Variants in MPP7 observed in about 807,000 individuals in gnomAD.
The protein encoded by MPP7 is MAGUK p55 subfamily member 7.
Under a neutral mutation model 76.5 loss-of-function variants are expected in MPP7, and 60 were observed. The ratio of observed to expected loss-of-function variants is 0.78; its 90% CI spans 0.64 to 0.97. The LOEUF (loss-of-function observed/expected upper bound fraction) is 0.97, where lower values mean the gene tolerates loss of function less well. Among genes scored for constraint, MPP7 ranks in the 50% least tolerant of loss-of-function variants. The pLI, the probability that MPP7 is intolerant of heterozygous loss-of-function variation, is 0.00. For synonymous variants in MPP7, 237 were observed against 244.5 expected, an observed-to-expected ratio of 0.97 and a Z score of 0.29; for missense variants, 641 against 694.0, an observed-to-expected ratio of 0.92 and a Z score of 0.86.
intron 3 of MPP7, among the ~76,000 whole-genome samples, chr10:28,190,827 A>C (rs1418670274): frequency 6.6e-6 from 1 of 152,066 alleles, no homozygotes; most frequent in South Asian, 2.1e-4. Context: ...ACAAAAAAAA[A>C]CAGAGAAAAA....
At chr10:28,284,326 C>T (rs1326750682) in intron 1 of MPP7, among the ~76,000 whole-genome samples, 1 of 152,134 alleles carries the variant, frequency 6.6e-6, no homozygotes, top group Non-Finnish European at 1.5e-5. Context: ...GTCTAGGCAC[C>T]AAGTCTTGTG....
At chr10:28,308,042 TC>T (rs1388204891), upstream of MPP7, among the ~76,000 whole-genome samples, 1 of 152,138 alleles carries the variant, frequency 6.6e-6, no homozygotes, top group Admixed American at 6.5e-5. Flanking sequence ...CTCTAACACT[TC>T]CCCTCGCTTT....
chr10:28,118,383 A>T, intron 11 of MPP7: 1 of 980,818 alleles, frequency 1.0e-6, no homozygotes, highest in Non-Finnish European at 1.2e-6. Flanking sequence ...ACTGAAAAAG[A>T]GTTGAGTATG....
intron 2 of MPP7, among the ~76,000 whole-genome samples, chr10:28,213,288 G>T (rs935812878): frequency 5.3e-5 from 8 of 152,046 alleles, no homozygotes; most frequent in African/African-American, 1.9e-4. Flanking sequence ...AGTTGTGAAG[G>T]AACAGGGTCA....
At chr10:28,209,517 A>G (rs1430156265) in intron 2 of MPP7, among the ~76,000 whole-genome samples, 1 of 151,914 alleles carries the variant, frequency 6.6e-6, no homozygotes, top group African/African-American at 2.4e-5. Flanking sequence ...GGGGAGAGGA[A>G]TATTGTCTTT....
chr10:28,110,799 C>T (rs551700572), intron 11 of MPP7, among the ~76,000 whole-genome samples: 43 of 152,234 alleles, frequency 2.8e-4, no homozygotes, highest in African/African-American at 1.0e-3. Flanking sequence ...GATCCTACAT[C>T]AAAATACGTC....
intron 16 of MPP7, 138 bp from the exon 17 acceptor site, chr10:28,054,382 T>C (rs1462708781): frequency 1.7e-6 from 1 of 581,660 alleles, no homozygotes; most frequent in East Asian, 2.9e-5. Context: ...ATAAAAGTCA[T>C]CCTCTTTAAC....
intron 13 of MPP7, among the ~76,000 whole-genome samples, chr10:28,065,160 A>G (rs1851941215): frequency 6.6e-6 from 1 of 152,178 alleles, no homozygotes; most frequent in Admixed American, 6.5e-5. Context: ...ACGGACAGAG[A>G]AAAGATTGTT....
At chr10:28,140,972 G>A (rs554102829) in intron 5 of MPP7, among the ~76,000 whole-genome samples, 11 of 152,080 alleles carry the variant, frequency 7.2e-5, no homozygotes, top group Non-Finnish European at 1.3e-4. Context: ...ATAAAAAGAT[G>A]ACAGCACAAC....
At chr10:28,188,063 T>C (rs1837293505) in intron 3 of MPP7, among the ~76,000 whole-genome samples, 1 of 152,180 alleles carries the variant, frequency 6.6e-6, no homozygotes, top group Non-Finnish European at 1.5e-5. Flanking sequence ...CTGTTCAGGA[T>C]TTATTTAGAC....
At chr10:28,093,003 C>T (rs1038721956) in intron 11 of MPP7, among the ~76,000 whole-genome samples, 5 of 152,028 alleles carry the variant, frequency 3.3e-5, no homozygotes, top group Admixed American at 6.6e-5. Context: ...ATTTAGTTAT[C>T]CCAAACCAAC....
Position 28,275,410 on chromosome 10 carries a change from C to CTTTTT in MPP7, c.-132+27446_-132+27450dup, listed in dbSNP as rs111692769. ...GTGTCCTGTCACCTTCCTAATATTT[C>CTTTTT]TTTTTTTTTTTTTTCATACAGAGTC... On this transcript the variant is annotated intron_variant, in intron 1 of 16. Coordinates refer to ENST00000683449, the MANE Select transcript of MPP7 (RefSeq NM_001318170.2). 9.9e-3 allele frequency among the ~76,000 whole-genome samples: 1,403 copies of CTTTTT among 141,626 alleles called. 23 individuals carry two copies. The highest frequency in any genetic ancestry group is 0.065 in the East Asian group (316 of 4,840). 92.9% of individuals were successfully genotyped at this position (141,626 alleles called of 152,430 possible). A position where few individuals can be genotyped will look rare whatever the true frequency, so the allele number is the denominator to read the frequency against.
chr10:28,267,990 G>A (rs1351539191), intron 1 of MPP7, among the ~76,000 whole-genome samples: 1 of 152,056 alleles, frequency 6.6e-6, no homozygotes, highest in Non-Finnish European at 1.5e-5. Flanking sequence ...GAGCAGTGAA[G>A]TACCACTGTA....
chr10:28,191,255 A>G (rs1700401193), intron 3 of MPP7, among the ~76,000 whole-genome samples: 1 of 152,188 alleles, frequency 6.6e-6, no homozygotes. Flanking sequence ...AGAAAAGGAA[A>G]ATAGCAAGCA....
At chr10:28,270,536 G>C (rs1228293430) in intron 1 of MPP7, among the ~76,000 whole-genome samples, 12 of 129,074 alleles carry the variant, frequency 9.3e-5, no homozygotes, top group African/African-American at 2.3e-4. Flanking sequence ...AAAAAAAGGG[G>C]GGGGGGGAGG....
chr10:28,312,725 G>A (rs1476437448), intron 2 of MPP7, among the ~76,000 whole-genome samples: 1 of 152,180 alleles, frequency 6.6e-6, no homozygotes, highest in Non-Finnish European at 1.5e-5. Context: ...ATTTAATTAA[G>A]CTCAGTCATC....
intron 3 of MPP7, among the ~76,000 whole-genome samples, chr10:28,168,113 T>G (rs1278520361): frequency 2.0e-5 from 3 of 152,176 alleles, no homozygotes; most frequent in Non-Finnish European, 2.9e-5. Flanking sequence ...GGCGCATGCT[T>G]GTAGTCCTAG....
intron 3 of MPP7, among the ~76,000 whole-genome samples, chr10:28,164,297 G>A (rs930805017): frequency 2.6e-5 from 4 of 152,014 alleles, no homozygotes; most frequent in Admixed American, 6.6e-5. Context: ...CGCAGATGCT[G>A]GCATCTCAGA....
chr10:28,112,942 C>T (rs932053830), intron 11 of MPP7, among the ~76,000 whole-genome samples: 1 of 152,166 alleles, frequency 6.6e-6, no homozygotes, highest in Non-Finnish European at 1.5e-5. Flanking sequence ...AGGGCTTAGT[C>T]GCCCTTGACA....
Sources: allele counts gnomAD v4.1 joint callset (sites outside exome capture counted in the v4.1 genomes callset), GRCh38; gene constraint gnomAD v4.1.1; transcripts MANE v1.5; gene names NCBI Gene and HGNC (gene_info 2026-07-23, HGNC 2026-07-21).